Variants in DOCK11 observed in about 807,000 individuals in gnomAD.
The protein encoded by DOCK11 is dedicator of cytokinesis protein 11.
In DOCK11, 70 loss-of-function variants were observed where a neutral mutation model predicts 169.1. That is an observed-to-expected ratio of 0.41 (90% confidence interval 0.34 to 0.51). The LOEUF is 0.51. Ranked by LOEUF, DOCK11 falls within the 20% of genes least tolerant of loss-of-function variation. DOCK11 has a pLI of 0.10. For missense variants in DOCK11, 1,166 were observed against 1,538.8 expected (o/e 0.76, Z 4.05); for synonymous variants, 529 against 541.3 (o/e 0.98, Z 0.32).
At chrX:118,633,143 G>A (rs1686610864) in intron 35 of DOCK11, 1 of 111,473 alleles carries the variant, frequency 9.0e-6, no homozygotes, top group African/African-American at 3.3e-5. Context: ...CTCCGAAGCA[G>A]ACTGTTCATT....
intron 35 of DOCK11, among the ~76,000 whole-genome samples, chrX:118,631,314 A>C (rs1480881908): frequency 9.0e-6 from 1 of 111,152 alleles, no homozygotes; most frequent in Non-Finnish European, 1.9e-5. Context: ...GCAGGATGTA[A>C]AGACATAAAA....
At chrX:118,573,750 C>T in intron 11 of DOCK11, 56 bp from the exon 12 acceptor site, 2 of 1,023,535 alleles carry the variant, frequency 2.0e-6, no homozygotes, top group East Asian at 6.2e-5. Flanking sequence ...TGTGCCCCTC[C>T]CCGCCATGCC....
At chrX:118,685,477 T>G in intron 52 of DOCK11, 1 of 364,104 alleles carries the variant, frequency 2.7e-6, no homozygotes, top group Non-Finnish European at 4.5e-6. Context: ...AATGAGTAAC[T>G]AGATCTTTTC....
At chrX:118,607,271 C>T (rs1311503378) in intron 24 of DOCK11, among the ~76,000 whole-genome samples, 2 of 104,163 alleles carry the variant, frequency 1.9e-5, no homozygotes, top group Non-Finnish European at 3.9e-5. Flanking sequence ...CGCCCACCAC[C>T]ACACCCAGCT....
At chrX:118,648,525 T>C (rs1288114513) in intron 40 of DOCK11, among the ~76,000 whole-genome samples, 1 of 72,343 alleles carries the variant, frequency 1.4e-5, no homozygotes, top group Non-Finnish European at 2.8e-5. Context: ...ATGTAATATA[T>C]ATATATTTAT....
chrX:118,627,380 TC>T, intron 32 of DOCK11, 123 bp from the exon 33 acceptor site: 1 of 519,644 alleles, frequency 1.9e-6, no homozygotes, highest in African/African-American at 2.3e-5. Flanking sequence ...ATTACTAGTA[TC>T]TGATTTAGAC....
chrX:118,618,741 A>C lies in DOCK11; in HGVS notation c.3471+13A>C. On this transcript the variant is annotated intron_variant, in intron 31 of 52. Transcript: ENST00000276202. ...ATACCAGCACAAGGTAAGGATATCC[A>C]TGCAGTCATCAGTATCACACTGGTA... 1 of 1,169,098 alleles carries C rather than the reference A, an allele frequency of 8.6e-7. No individual in the cohort carries two copies. Among genetic ancestry groups the C allele is most frequent in the East Asian group, 3.1e-5 (1 of 32,687 alleles).
intron 7 of DOCK11, among the ~76,000 whole-genome samples, chrX:118,562,277 C>G (rs2012938676): frequency 9.0e-6 from 1 of 111,277 alleles, no homozygotes; most frequent in Admixed American, 9.5e-5. Flanking sequence ...CTTCAGTGCC[C>G]TGTTCTTGCT....
intron 45 of DOCK11, among the ~76,000 whole-genome samples, chrX:118,668,635 A>T (rs958638332): frequency 8.9e-6 from 1 of 111,734 alleles, no homozygotes; most frequent in Non-Finnish European, 1.9e-5. Context: ...TATTGTCCCT[A>T]CTCTCAAAGA....
intron 40 of DOCK11, among the ~76,000 whole-genome samples, chrX:118,646,520 G>A (rs893776451): frequency 3.6e-5 from 4 of 111,399 alleles, no homozygotes; most frequent in African/African-American, 9.8e-5. Context: ...TTGTCATGAC[G>A]TATACGGAGT....
intron 6 of DOCK11, among the ~76,000 whole-genome samples, chrX:118,552,529 C>A (rs2012535230): frequency 8.9e-6 from 1 of 112,307 alleles, no homozygotes; most frequent in Admixed American, 9.5e-5. Flanking sequence ...TAATCTGTAC[C>A]ACCTTCTGAA....
rs773758458 is a variant in DOCK11, at chrX:118,644,194, A to AATAAAC, written c.4398+605_4398+610dup. 2.5e-4 allele frequency among the ~76,000 whole-genome samples: 28 copies of AATAAAC among 112,057 alleles called. 1 individual carries two copies. The highest frequency in any genetic ancestry group is 9.1e-4 in the African/African-American group (28 of 30,891). Reference sequence around the variant, plus strand: ...TGCTCAGGGGCTTTTTAAACTTAAGAATAAACATAATTAACCAAGATAGAG... The same window carrying AATAAAC: ...TGCTCAGGGGCTTTTTAAACTTAAGAATAAACATAAACATAATTAACCAAGATAGAG... On this transcript the variant is annotated intron_variant, in intron 40 of 52. Coordinates refer to ENST00000276202, the MANE Select transcript of DOCK11 (RefSeq NM_144658.4).
intron 24 of DOCK11, among the ~76,000 whole-genome samples, chrX:118,607,418 A>ATTTTT (rs56374019): frequency 3.9e-5 from 2 of 51,236 alleles, no homozygotes; most frequent in South Asian, 1.3e-3. Flanking sequence ...CCGGGCCTTC[A>ATTTTT]TTTTTTTTTT....
chrX:118,549,006 T>A (rs2012385563), intron 6 of DOCK11, among the ~76,000 whole-genome samples: 2 of 110,625 alleles, frequency 1.8e-5, no homozygotes, highest in South Asian at 7.5e-4. Context: ...AGCCCACAGC[T>A]GAAGGGGACA....
chrX:118,569,178 A>G (rs751823264), intron 10 of DOCK11, among the ~76,000 whole-genome samples: 5 of 95,464 alleles, frequency 5.2e-5, no homozygotes, highest in African/African-American at 1.9e-4. Context: ...GCTCACTGCA[A>G]CCTCTGCCTC....
rs191579589 is a variant in DOCK11 at position 118,574,525 on chromosome X, C to T, written c.1389+507C>T. On this transcript the variant is annotated intron_variant, in intron 12 of 52. Transcript: ENST00000276202. ...TGGAGGTTGCAGTGAGCCGAGATCACGCTACACTGCACTCCAGCCTGGGCA... is the reference window on the plus strand; with the variant it reads ...TGGAGGTTGCAGTGAGCCGAGATCATGCTACACTGCACTCCAGCCTGGGCA... Among the ~76,000 whole-genome samples, 6 of 111,516 alleles carry T rather than the reference C, an allele frequency of 5.4e-5. No homozygotes were observed. In the East Asian group the frequency reaches 1.1e-3, roughly 21 times the overall value.
intron 14 of DOCK11, among the ~76,000 whole-genome samples, chrX:118,583,231 G>T (rs1292700478): frequency 9.0e-6 from 1 of 110,878 alleles, no homozygotes; most frequent in Admixed American, 9.6e-5. Flanking sequence ...TGAACAATGA[G>T]AATACATGGA....
intron 12 of DOCK11, among the ~76,000 whole-genome samples, chrX:118,578,285 A>G (rs766737872): frequency 8.9e-6 from 1 of 111,919 alleles, no homozygotes; most frequent in Non-Finnish European, 1.9e-5. Flanking sequence ...CAAAGCAGCA[A>G]CGGTGACACC....
intron 29 of DOCK11, among the ~76,000 whole-genome samples, 182 bp downstream of exon 29, chrX:118,614,957 T>C (rs755069071): frequency 1.8e-5 from 2 of 112,207 alleles, no homozygotes; most frequent in Admixed American, 9.4e-5. Context: ...CCCCATGTGT[T>C]CAATAGCTCA....
Sources: gnomAD v4.1 joint callset for allele counts (sites outside exome capture counted in the v4.1 genomes callset) on GRCh38, gnomAD v4.1.1 for gene constraint, MANE v1.5 for transcripts, NCBI Gene and HGNC (gene_info 2026-07-23, HGNC 2026-07-21) for gene names.